TIGD6: variants seen among roughly 807,000 people sequenced by gnomAD.
TIGD6 encodes the protein tigger transposable element-derived protein 6.
A neutral mutation model predicts 2.6 loss-of-function variants in TIGD6; 1 was observed. That is an observed-to-expected ratio of 0.39 (90% CI 0.14 to 1.85). The LOEUF (loss-of-function observed/expected upper bound fraction) is 1.85. Ranked by LOEUF, TIGD6 falls within the 40% of genes most tolerant of loss-of-function variation. The pLI is 0.32. For missense variants in TIGD6, 601 were observed against 634.2 expected (o/e 0.95, Z 0.56); for synonymous variants, 193 against 221.9 (o/e 0.87, Z 1.16).
chr5:149,997,221 T>C (rs979222482), intron 1 of TIGD6, among the ~76,000 whole-genome samples: 1 of 152,038 alleles, frequency 6.6e-6, no homozygotes, highest in Non-Finnish European at 1.5e-5. Flanking sequence ...TCCAAGAATA[T>C]GGGGAAAGGG....
rs1363414560 is a variant in TIGD6 at position 149,995,802 on chromosome 5, C to T, written c.547G>A (p.Val183Met). The change falls in exon 2 of 2, where the codon GTG (valine) becomes ATG (methionine). Residue 183 changes from valine to methionine, a missense_variant. Coordinates refer to ENST00000296736, the MANE Select transcript of TIGD6 (RefSeq NM_030953.4). ...TGCTGGGGAAGCAACTGGAAAAACA[C>T]TCCTGTCTCATCAGCATTAAAGATA... ...DDIFNADETG[V>M]FFQLLPQHTL... 3.1e-6 allele frequency: 5 copies of T among 1,614,108 alleles called. No individual in the cohort carries two copies. The African/African-American group carries it at 5.3e-5, about 17-fold the overall frequency.
In TIGD6 at chr5:149,994,466, G is replaced by T; in HGVS notation, c.*317C>A. The T allele has an allele frequency of 5.7e-6, 1 of 176,818 alleles. No individual in the cohort carries two copies. Among genetic ancestry groups the T allele is most frequent in the Non-Finnish European group, 1.2e-5 (1 of 84,570 alleles). 11.0% of individuals were successfully genotyped at this position (176,818 alleles called of 1,614,324 possible). On this transcript the variant is annotated 3_prime_UTR_variant, in exon 2 of 2. Coordinates refer to ENST00000296736, the MANE Select transcript of TIGD6 (RefSeq NM_030953.4). ...CCAATGCCTGTGACCCGTCACCAAA[G>T]ATTGTGATTTAATAGGCCTGGGATA...
chr5:149,994,944 C>T lies in TIGD6; in HGVS notation c.1405G>A (p.Ala469Thr), dbSNP rs751250089. 8 of 1,612,784 alleles carry T rather than the reference C, an allele frequency of 5.0e-6. No homozygotes were observed. In the East Asian group the frequency reaches 1.8e-4, roughly 36 times the overall value. ...CTAAGTTTCTGTACACTTGATATGG[C>T]TTCTGTGATGGTGACTTTTGGTTGC... ...PEQPKVTITE[A>T]ISSVQKLRQF... The change falls in exon 2 of 2, where the codon GCC (alanine) becomes ACC (threonine). Residue 469 changes from alanine to threonine, a missense_variant. Coordinates refer to ENST00000296736, the MANE Select transcript of TIGD6 (RefSeq NM_030953.4).
Position 149,995,769 on chromosome 5 carries a change from C to T in TIGD6, c.580G>A (p.Ala194Thr), listed in dbSNP as rs1487509991. Reference sequence around the variant, plus strand: ...CCTCTACAGTGGTCTCCTTTAGCAGCAAGTGTGTGCTGGGGAAGCAACTGG... The same window carrying T: ...CCTCTACAGTGGTCTCCTTTAGCAGTAAGTGTGTGCTGGGGAAGCAACTGG... Reference protein sequence around the residue: ...FFQLLPQHTLAAKGDHCRGGK... With the variant: ...FFQLLPQHTLTAKGDHCRGGK... The change falls in exon 2 of 2, where the codon GCT becomes ACT. Residue 194 changes from alanine to threonine, a missense_variant. Coordinates refer to ENST00000296736, the MANE Select transcript of TIGD6 (RefSeq NM_030953.4). The T allele has an allele frequency of 6.2e-7, 1 of 1,614,088 alleles. No homozygotes were observed. The highest frequency in any genetic ancestry group is 8.5e-7 in the Non-Finnish European group (1 of 1,180,052).
At chr5:149,999,557 G>T (rs559571315) in intron 1 of TIGD6, among the ~76,000 whole-genome samples, 3 of 152,076 alleles carry the variant, frequency 2.0e-5, no homozygotes, top group Non-Finnish European at 2.9e-5. Flanking sequence ...GGTGAAGGAG[G>T]AGTCAAGGAT....
At position 149,995,498 on chromosome 5, in the gene TIGD6, T is replaced by G; in HGVS notation, c.851A>C (p.Asp284Ala). 1 of 1,614,246 alleles carries G rather than the reference T, an allele frequency of 6.2e-7. No homozygotes were observed. The highest frequency in any genetic ancestry group is 8.5e-7 in the Non-Finnish European group (1 of 1,180,048). Residue 284 changes from aspartate to alanine, a missense_variant, in exon 2 of 2, where the codon GAC becomes GCC. Asp to Ala is a moderately radical substitution (Grantham distance 126). Transcript: ENST00000296736. ...AAGCATGTTATGAGCAGAGCAGTTG[T>G]CTATGAGCAAGAGGATCCGGCGTTC... ...RAERRILLLI[D>A]NCSAHNMLPH...
Position 149,998,124 on chromosome 5 carries a change from A to C in TIGD6, c.-81-1695T>G, listed in dbSNP as rs1037928971. Among the ~76,000 whole-genome samples the C allele has an allele frequency of 2.7e-5, 4 of 149,346 alleles. No individual in the cohort carries two copies. The Admixed American group carries it at 2.8e-4, about 11-fold the overall frequency. ...CAGCCTGGCGACAGAGCGAGCCTCC[A>C]TCTCAAACAAACAAACAAACAAAGA... On this transcript the variant is annotated intron_variant, in intron 1 of 1. Coordinates refer to ENST00000296736, the MANE Select transcript of TIGD6 (RefSeq NM_030953.4).
chr5:149,996,020 T>C lies in TIGD6; in HGVS notation c.329A>G (p.Asn110Ser), dbSNP rs575573558. Residue 110 changes from asparagine to serine, a missense_variant, in exon 2 of 2, where the codon AAC (asparagine) becomes AGC (serine). Physicochemically the swap from Asn to Ser is conservative, Grantham distance 46 (BLOSUM62 1). Coordinates refer to ENST00000296736, the MANE Select transcript of TIGD6 (RefSeq NM_030953.4). Reference sequence around the variant, plus strand: ...TTGAAAATTGTCATAGCCAAGCATGTTGGCCAAGTTTAGTGCTTTTTTCCG... The same window carrying C: ...TTGAAAATTGTCATAGCCAAGCATGCTGGCCAAGTTTAGTGCTTTTTTCCG... ...VIRKKALNLA[N>S]MLGYDNFQAS... The C allele has an allele frequency of 6.8e-6, 11 of 1,611,364 alleles. No homozygotes were observed. The highest frequency in any genetic ancestry group is 8.5e-6 in the Non-Finnish European group (10 of 1,180,050).
At position 149,996,171 on chromosome 5, in the gene TIGD6, C is replaced by T. The variant is rs745523369; in HGVS notation, c.178G>A (p.Glu60Lys). 3 of 1,614,082 alleles carry T rather than the reference C, an allele frequency of 1.9e-6. No homozygotes were observed. The highest frequency in any genetic ancestry group is 2.7e-5 in the African/African-American group (2 of 74,928). ...TTCCGCTGGGGTCCCACGGATGCCT[C>T]CCGCACCTTTTCTTCAAATTTGGTG... ...DRTKFEEKVR[E>K]ASVGPQRKRM... Residue 60 changes from glutamate (E) to lysine (K), a missense_variant, in exon 2 of 2, where the codon GAG (glutamate) becomes AAG (lysine). Physicochemically the swap from Glu to Lys is moderately conservative, Grantham distance 56. Transcript: ENST00000296736.
intron 1 of TIGD6, chr5:149,999,754 C>T (rs1415447189): frequency 6.6e-6 from 1 of 152,174 alleles, no homozygotes; most frequent in East Asian, 1.9e-4. Context: ...CCAAACACTA[C>T]AGAGTGCTAT....
chr5:149,994,727 C>G lies in TIGD6; in HGVS notation c.*56G>C, dbSNP rs1487408278. The G allele has an allele frequency of 6.9e-7, 1 of 1,454,870 alleles. No individual in the cohort carries two copies. Among genetic ancestry groups the G allele is most frequent in the Non-Finnish European group, 9.1e-7 (1 of 1,098,912 alleles). The allele number at this position is 1,454,870 out of a possible 1,614,324, so 90.1% of individuals were successfully genotyped here. A position where few individuals can be genotyped will look rare whatever the true frequency, so the allele number is the denominator to read the frequency against. On this transcript the variant is annotated 3_prime_UTR_variant, in exon 2 of 2. Transcript: ENST00000296736. ...GCTTTACTTAAATTGGCTCAACAACCTATCTAAAGAAATCTTTATTCTTGT... is the reference window on the plus strand; with the variant it reads ...GCTTTACTTAAATTGGCTCAACAACGTATCTAAAGAAATCTTTATTCTTGT...
chr5:149,998,385 C>T (rs1158981974), intron 1 of TIGD6, among the ~76,000 whole-genome samples: 1 of 151,878 alleles, frequency 6.6e-6, no homozygotes, highest in East Asian at 1.9e-4. Context: ...CCCATGGTTG[C>T]AAACCACAAG....
intron 1 of TIGD6, among the ~76,000 whole-genome samples, chr5:149,996,807 C>T (rs1054421123): frequency 1.3e-5 from 2 of 152,198 alleles, no homozygotes; most frequent in African/African-American, 2.4e-5. Context: ...TGGGAAGGGG[C>T]CTACCCGGGT....
chr5:149,996,273 A>G lies in TIGD6; in HGVS notation c.76T>C (p.Ser26Pro), dbSNP rs888504139. ...EKMKVVGAVD[S>P]GKRKGDVAKE... Reference sequence around the variant, plus strand: ...GCCACATCACCTTTCCTCTTGCCTGAGTCTACAGCTCCCACAACTTTCATT... The same window carrying G: ...GCCACATCACCTTTCCTCTTGCCTGGGTCTACAGCTCCCACAACTTTCATT... Residue 26 changes from serine to proline, a missense_variant, in exon 2 of 2, where the codon TCA becomes CCA. Ser to Pro is a moderately conservative substitution (Grantham distance 74). Transcript: ENST00000296736. 24 of 1,614,174 alleles carry G rather than the reference A, an allele frequency of 1.5e-5. No homozygotes were observed. The highest frequency in any genetic ancestry group is 2.0e-5 in the Non-Finnish European group (24 of 1,180,046).
Position 149,995,928 on chromosome 5 carries a change from C to T in TIGD6, c.421G>A (p.Glu141Lys). The T allele has an allele frequency of 6.2e-7, 1 of 1,613,818 alleles. No homozygotes were observed. The highest frequency in any genetic ancestry group is 8.5e-7 in the Non-Finnish European group (1 of 1,180,050). The change falls in exon 2 of 2, where the codon GAA becomes AAA. Residue 141 changes from glutamate to lysine, a missense_variant. Coordinates refer to ENST00000296736, the MANE Select transcript of TIGD6 (RefSeq NM_030953.4). ...CCATTCATTAACCTGTCACTATCTTCTCTACAGACTGCTTTCAAAGCAATT... is the reference window on the plus strand; with the variant it reads ...CCATTCATTAACCTGTCACTATCTTTTCTACAGACTGCTTTCAAAGCAATT... ...HGIALKAVCR[E>K]DSDRLMNGLG... is the part of the protein sequence containing the mutation.
intron 1 of TIGD6, 108 bp downstream of exon 1, chr5:150,000,366 C>T (rs1417797816): frequency 1.3e-5 from 2 of 152,986 alleles, no homozygotes; most frequent in Admixed American, 1.3e-4. Context: ...CCTTGAACGT[C>T]GTGCTGAGGA....
chr5:149,999,497 A>G (rs1303570654), intron 1 of TIGD6, among the ~76,000 whole-genome samples: 1 of 151,292 alleles, frequency 6.6e-6, no homozygotes, highest in Non-Finnish European at 1.5e-5. Flanking sequence ...GGTGAGTAGT[A>G]GTCAGTCTGG....
At chr5:149,999,800 G>A (rs1279221358) in intron 1 of TIGD6, 3 of 152,192 alleles carry the variant, frequency 2.0e-5, no homozygotes, top group Non-Finnish European at 2.9e-5. Flanking sequence ...ATTGAGAGGA[G>A]ACATAGAAAG....
chr5:149,999,671 T>C (rs4367289), intron 1 of TIGD6, among the ~76,000 whole-genome samples: 7,730 of 152,232 alleles, frequency 0.051, 644 homozygotes, highest in African/African-American at 0.17. Context: ...TTAAGCACTT[T>C]ACTTGCTTAA....
Sources: allele counts gnomAD v4.1 joint callset (sites outside exome capture counted in the v4.1 genomes callset), GRCh38; gene constraint gnomAD v4.1.1; transcripts MANE v1.5; gene names NCBI Gene and HGNC (gene_info 2026-07-23, HGNC 2026-07-21).